CHPF: variants seen among roughly 807,000 people sequenced by gnomAD.
The protein encoded by CHPF is chondroitin polymerizing factor, non-catalytic subunit.
CHPF carries 34 observed loss-of-function variants against 55.1 expected under a neutral mutation model. The observed-to-expected ratio is 0.62, with a 90% CI of 0.47 to 0.82. CHPF has a LOEUF of 0.82. CHPF is among the 40% of genes least tolerant of loss of function. The pLI, the probability that CHPF is intolerant of heterozygous loss-of-function variation, is 0.00. For missense variants in CHPF, 961 were observed against 1,106.1 expected (o/e 0.87, Z 1.86); for synonymous variants, 489 against 496.6 (o/e 0.98, Z 0.20).
At chr2:219,542,233 CGGGG>C (rs752637660) in intron 1 of CHPF, 44 bp from the exon 2 acceptor site, 1 of 476,024 alleles carries the variant, frequency 2.1e-6, no homozygotes, top group African/African-American at 3.6e-5. Context: ...GACAACGGGG[CGGGG>C]GGTGGGGGGG....
rs761315379 is a variant in CHPF, at chr2:219,540,192, G to C, written c.1519C>G (p.Arg507Gly). 6.2e-7 allele frequency: 1 copy of C among 1,611,930 alleles called. No homozygotes were observed. Among genetic ancestry groups the C allele is most frequent in the Non-Finnish European group, 8.5e-7 (1 of 1,179,142 alleles). Reference sequence around the variant, plus strand: ...GCTAGAGGCAGCAGCACAGTGAGACGTGAGGCCTCAGTGACATAGGGCACA... The same window carrying C: ...GCTAGAGGCAGCAGCACAGTGAGACCTGAGGCCTCAGTGACATAGGGCACA... ...LPVPYVTEAS[R>G]LTVLLPLAAA... The change falls in exon 4 of 4, where the codon CGT (arginine) becomes GGT (glycine). Residue 507 changes from arginine to glycine, a missense_variant. Arg to Gly is a moderately radical substitution (Grantham distance 125). Transcript: ENST00000243776.
chr2:219,542,338 G>A (rs947312471), intron 1 of CHPF, 149 bp from the exon 2 acceptor site: 11 of 648,986 alleles, frequency 1.7e-5, no homozygotes, highest in African/African-American at 7.4e-5. Context: ...TCTCTCCCAG[G>A]GGTCATGAGG....
At chr2:219,541,541 C>A in intron 2 of CHPF, 75 bp downstream of exon 2, 2 of 1,236,782 alleles carry the variant, frequency 1.6e-6, no homozygotes, top group Non-Finnish European at 1.1e-6. Flanking sequence ...AGACCTGTAT[C>A]TCCAACATCC....
rs142947245 is a variant in CHPF at position 219,540,439 on chromosome 2, A to G, written c.1272T>C (p.Asp424=). Residue 424 remains aspartate, a synonymous_variant, in exon 4 of 4, where the codon GAT becomes GAC. Transcript: ENST00000243776. Reference sequence around the variant, plus strand: ...GCTCCTCTAGAGCTGTCCCCAGAACATCGGCCACATCAGCCCGGTCAGCCC... The same window carrying G: ...GCTCCTCTAGAGCTGTCCCCAGAACGTCGGCCACATCAGCCCGGTCAGCCC... ...LRGADRADVA[D]VLGTALEELN... is the part of the protein sequence containing the mutation. 1.9e-4 allele frequency: 304 copies of G among 1,613,734 alleles called. No homozygotes were observed. In the African/African-American group the frequency reaches 3.7e-3, roughly 19 times the overall value.
Position 219,542,122 on chromosome 2 carries a change from T to A in CHPF, c.382A>T (p.Thr128Ser). ...GCCACGCCCAGCGTGGGCAGCGTGG[T>A]CTGAGAGGTCAGCACCGCCACCAGC... The part of the protein sequence containing the change: ...RLLVAVLTSQ[T>S]TLPTLGVAVN... Residue 128 changes from threonine (T) to serine (S), a missense_variant, in exon 2 of 4, where the codon ACC becomes TCC. Around this residue, in one of 3 missense-constraint regions of CHPF, gnomAD observed 936 missense variants for 1,058.4 expected, o/e 0.88. Transcript: ENST00000243776. The A allele has an allele frequency of 3.8e-6, 6 of 1,566,994 alleles. No individual in the cohort carries two copies. The highest frequency in any genetic ancestry group is 5.2e-6 in the Non-Finnish European group (6 of 1,162,974).
Position 219,539,290 on chromosome 2 carries a change from G to T in CHPF, c.*93C>A. On this transcript the variant is annotated 3_prime_UTR_variant, in exon 4 of 4. Coordinates refer to ENST00000243776, the MANE Select transcript of CHPF (RefSeq NM_024536.6). Reference sequence around the variant, plus strand: ...CCAGCTTGGGGTCTGGCTACGGCCAGCCCTGCCCAGCGAGGCTGGCAGGTG... The same window carrying T: ...CCAGCTTGGGGTCTGGCTACGGCCATCCCTGCCCAGCGAGGCTGGCAGGTG... 7.6e-7 allele frequency: 1 copy of T among 1,309,136 alleles called. No individual in the cohort carries two copies. The allele number at this position is 1,309,136 out of a possible 1,614,324, so 81.1% of individuals were successfully genotyped here.
In CHPF at chr2:219,540,495, C is replaced by T. The variant is rs142872882; in HGVS notation, c.1216G>A (p.Ala406Thr). 69 of 1,614,020 alleles carry T rather than the reference C, an allele frequency of 4.3e-5. No homozygotes were observed. Among genetic ancestry groups the T allele is most frequent in the Middle Eastern group, 3.3e-4 (2 of 6,062 alleles). ...AGTGGGCAGCGGGGTGAGCCATCGG[C>T]GCAGGAGAAAGCGTGCTGCTCCGTG... is the stretch of plus-strand genomic sequence containing the variant. The part of the protein sequence containing the change: ...YFTEQHAFSC[A>T]DGSPRCPLRG... Residue 406 changes from alanine (A) to threonine (T), a missense_variant, in exon 4 of 4, where the codon GCC (alanine) becomes ACC (threonine). Coordinates refer to ENST00000243776, the MANE Select transcript of CHPF (RefSeq NM_024536.6).
rs756522803 is a variant in CHPF, at chr2:219,539,682, C to T, written c.2029G>A (p.Ala677Thr). The change falls in exon 4 of 4, where the codon GCC becomes ACC. Residue 677 changes from alanine (A) to threonine (T), a missense_variant. Ala to Thr is a moderately conservative substitution (Grantham distance 58). Around this residue, in one of 3 missense-constraint regions of CHPF, gnomAD observed 936 missense variants for 1,058.4 expected, o/e 0.88. Coordinates refer to ENST00000243776, the MANE Select transcript of CHPF (RefSeq NM_024536.6). ...GRFDRQAASE[A>T]CFYNSDYVAA... ...ACATAGTCGGAGTTGTAGAAGCAGG[C>T]CTCGCTGGCTGCCTGGCGATCAAAG... is the stretch of plus-strand genomic sequence containing the variant. 6.2e-7 allele frequency: 1 copy of T among 1,613,548 alleles called. No individual in the cohort carries two copies. The highest frequency in any genetic ancestry group is 8.5e-7 in the Non-Finnish European group (1 of 1,179,952).
chr2:219,541,893 G>A lies in CHPF; in HGVS notation c.611C>T (p.Thr204Ile). ...TAGGCGTGCCAGGCCGTGCGCCTCG[G>A]TGTAGGTGGTGTCAGGCACCAGGAA... ...WFFLVPDTTY[T>I]EAHGLARLTG... Residue 204 changes from threonine (T) to isoleucine (I), a missense_variant, in exon 2 of 4, where the codon ACC becomes ATC. Thr to Ile is a moderately conservative substitution (Grantham distance 89). Coordinates refer to ENST00000243776, the MANE Select transcript of CHPF (RefSeq NM_024536.6). 1 of 1,613,476 alleles carries A rather than the reference G, an allele frequency of 6.2e-7. No homozygotes were observed. The highest frequency in any genetic ancestry group is 1.3e-5 in the African/African-American group (1 of 75,054).
chr2:219,540,720 A>G, intron 3 of CHPF, 78 bp from the exon 4 acceptor site: 1 of 1,430,104 alleles, frequency 7.0e-7, no homozygotes, highest in South Asian at 1.4e-5. Flanking sequence ...GGTAGGCAGT[A>G]GGTGCCACTC....
chr2:219,542,899 C>A (rs1695307595), intron 1 of CHPF: 1 of 1,139,392 alleles, frequency 8.8e-7, no homozygotes, highest in Non-Finnish European at 1.1e-6. Flanking sequence ...CTTCCCCTGT[C>A]TCTATACACT....
At chr2:219,542,608 T>A (rs372752599) in intron 1 of CHPF, among the ~76,000 whole-genome samples, 1 of 152,190 alleles carries the variant, frequency 6.6e-6, no homozygotes, top group Admixed American at 6.5e-5. Flanking sequence ...ATGCCTCACA[T>A]AAATGACATA....
At position 219,540,278 on chromosome 2, in the gene CHPF, C is replaced by T. The variant is rs112268222; in HGVS notation, c.1433G>A (p.Arg478His). ...QLEALTPQGG[R>H]RPLTRRVQLL... is the part of the protein sequence containing the mutation. ...CTGCACTCGGCGAGTGAGGGGCCGG[C>T]GGCCTCCCTGGGGGGTCAGTGCCTC... The change falls in exon 4 of 4, where the codon CGC becomes CAC. Residue 478 changes from arginine (R) to histidine (H), a missense_variant. Around this residue, in one of 3 missense-constraint regions of CHPF, gnomAD observed 936 missense variants for 1,058.4 expected, o/e 0.88. Coordinates refer to ENST00000243776, the MANE Select transcript of CHPF (RefSeq NM_024536.6). The T allele has an allele frequency of 1.1e-5, 18 of 1,613,736 alleles. No homozygotes were observed. Among genetic ancestry groups the T allele is most frequent in the South Asian group, 4.4e-5 (4 of 91,080 alleles).
At chr2:219,540,797 A>G (rs2105986964) in intron 3 of CHPF, 149 bp downstream of exon 3, 1 of 1,292,410 alleles carries the variant, frequency 7.7e-7, no homozygotes. Flanking sequence ...TAGACAGCCA[A>G]GAGGCTCATC....
chr2:219,543,348 G>GCA lies in CHPF; in HGVS notation c.190_191insTG (p.Ser64LeufsTer62). ...CTCGCGCTCCGCTCCGGGCTGCACC[G>GCA]AGTTGGGCCGGCGCGCCGCGTTGGT... On this transcript the variant is annotated frameshift_variant, in exon 1 of 4. Coordinates refer to ENST00000243776, the MANE Select transcript of CHPF (RefSeq NM_024536.6). LOFTEE classifies it high-confidence loss of function. 1 of 1,565,536 alleles carries GCA rather than the reference G, an allele frequency of 6.4e-7. No individual in the cohort carries two copies. Among genetic ancestry groups the GCA allele is most frequent in the Non-Finnish European group, 8.6e-7 (1 of 1,165,624 alleles).
chr2:219,540,930 C>A lies in CHPF; in HGVS notation c.1068+16G>T. The A allele has an allele frequency of 6.2e-7, 1 of 1,609,206 alleles. No homozygotes were observed. The highest frequency in any genetic ancestry group is 8.5e-7 in the Non-Finnish European group (1 of 1,178,566). On this transcript the variant is annotated intron_variant, in intron 3 of 3. Transcript: ENST00000243776. Reference sequence around the variant, plus strand: ...CCTGTCCCCGTCACTCTGCCACCCCCAGACCTAGACCATACCTGTAACTCC... The same window carrying A: ...CCTGTCCCCGTCACTCTGCCACCCCAAGACCTAGACCATACCTGTAACTCC...
rs1434601874 is a variant in CHPF, at chr2:219,541,074, C to T, written c.940G>A (p.Gly314Arg). 1 of 1,613,244 alleles carries T rather than the reference C, an allele frequency of 6.2e-7. No individual in the cohort carries two copies. The highest frequency in any genetic ancestry group is 8.5e-7 in the Non-Finnish European group (1 of 1,179,670). ...ELSPGEPVQE[G>R]DPHFRSALTA... ...AGGGCACTTCGGAAATGAGGGTCCC[C>T]CTCCTGCACTGGCTCCCCAGGGCTC... Residue 314 changes from glycine to arginine, a missense_variant, in exon 3 of 4, where the codon GGG (glycine) becomes AGG (arginine). Transcript: ENST00000243776.
chr2:219,539,621 T>C lies in CHPF; in HGVS notation c.2090A>G (p.Gln697Arg), dbSNP rs781677817. 14 of 1,613,788 alleles carry C rather than the reference T, an allele frequency of 8.7e-6. No homozygotes were observed. The highest frequency in any genetic ancestry group is 1.6e-4 in the Middle Eastern group (1 of 6,084). Residue 697 changes from glutamine (Q) to arginine (R), a missense_variant, in exon 4 of 4, where the codon CAA becomes CGA. Coordinates refer to ENST00000243776, the MANE Select transcript of CHPF (RefSeq NM_024536.6). ...CAGGCTCTCCAGCAGCTCCTCTTCT[T>C]GTTCTGAGGCTGCCGCCAGGCGCCC... ...ARGRLAAASEQEEELLESLDV... is the reference protein window; with the variant it reads ...ARGRLAAASEREEELLESLDV...
rs1574499978 is a variant in CHPF, at chr2:219,540,567, G to A, written c.1144C>T (p.Pro382Ser). Residue 382 changes from proline (P) to serine (S), a missense_variant, in exon 4 of 4, where the codon CCA becomes TCA. Pro to Ser is a moderately conservative substitution (Grantham distance 74). This residue lies in a region of CHPF where 936 missense variants were observed against 1,058.4 expected (regional missense o/e 0.88). Transcript: ENST00000243776. The part of the protein sequence containing the change: ...AAAWPVGIPA[P>S]SRPASRFEVL... ...TCAAAGCGGGAGGCCGGGCGGGATG[G>A]TGCTGGAATACCCACGGGCCAAGCA... 6.2e-7 allele frequency: 1 copy of A among 1,613,622 alleles called. No individual in the cohort carries two copies. Among genetic ancestry groups the A allele is most frequent in the Non-Finnish European group, 8.5e-7 (1 of 1,179,876 alleles).
Sources: gnomAD v4.1 joint callset for allele counts (sites outside exome capture counted in the v4.1 genomes callset) on GRCh38, gnomAD v4.1.1 for gene constraint, gnomAD v4.1.1 regional missense constraint, MANE v1.5 for transcripts, NCBI Gene and HGNC (gene_info 2026-07-23, HGNC 2026-07-21) for gene names.